Variants in CNIH3 observed in about 807,000 individuals in gnomAD.
CNIH3 encodes the protein cornichon family AMPA receptor auxiliary protein 3.
CNIH3 carries 14 observed loss-of-function variants against 24.1 expected under a neutral mutation model. That is an observed-to-expected ratio of 0.58 (90% CI 0.38 to 0.91). The LOEUF (loss-of-function observed/expected upper bound fraction) is 0.91, where lower values mean the gene tolerates loss of function less well. Among genes scored for constraint, CNIH3 ranks in the 40% least tolerant of loss-of-function variants. CNIH3 has a pLI of 0.00. For synonymous variants in CNIH3, 68 were observed against 73.8 expected, an observed-to-expected ratio of 0.92 and a Z score of 0.40; for missense variants, 178 against 196.8, an observed-to-expected ratio of 0.90 and a Z score of 0.57.
intron 1 of CNIH3, among the ~76,000 whole-genome samples, chr1:224,447,319 A>G (rs993225141): frequency 1.3e-5 from 2 of 152,212 alleles, no homozygotes; most frequent in Non-Finnish European, 2.9e-5. Flanking sequence ...TCCCAAGGCC[A>G]GAGAGCCGGG....
At chr1:224,567,660 A>G (rs1680635103) in intron 4 of CNIH3, among the ~76,000 whole-genome samples, 1 of 152,220 alleles carries the variant, frequency 6.6e-6, no homozygotes, top group South Asian at 2.1e-4. Context: ...TTGTGCAGGC[A>G]TCCACTGTGC....
intron 1 of CNIH3, among the ~76,000 whole-genome samples, chr1:224,519,429 C>T (rs1240378123): frequency 6.6e-6 from 1 of 152,130 alleles, no homozygotes; most frequent in African/African-American, 2.4e-5. Flanking sequence ...CCTGAGTCTC[C>T]AGCTTGCAGA....
chr1:224,461,232 A>G (rs1471527551), intron 1 of CNIH3, among the ~76,000 whole-genome samples: 1 of 151,962 alleles, frequency 6.6e-6, no homozygotes, highest in African/African-American at 2.4e-5. Flanking sequence ...CGAACACGTG[A>G]CCTCAAGTGA....
intron 2 of CNIH3, among the ~76,000 whole-genome samples, chr1:224,524,236 C>T (rs1374877145): frequency 6.6e-6 from 1 of 152,156 alleles, no homozygotes; most frequent in Non-Finnish European, 1.5e-5. Flanking sequence ...GAGGGCAGAA[C>T]CAGGGTTGTC....
intron 2 of CNIH3, among the ~76,000 whole-genome samples, chr1:224,546,661 T>C (rs528599880): frequency 1.3e-5 from 2 of 152,338 alleles, no homozygotes; most frequent in East Asian, 1.9e-4. Flanking sequence ...AGAAAATTTA[T>C]GTAAAATACC....
intron 1 of CNIH3, among the ~76,000 whole-genome samples, chr1:224,628,880 G>C (rs1683674735): frequency 6.6e-6 from 1 of 152,002 alleles, no homozygotes; most frequent in Admixed American, 6.5e-5. Flanking sequence ...TGTTCTCTCT[G>C]AAGCCTGCTA....
At chr1:224,634,818 G>A (rs1293922494) in intron 1 of CNIH3, among the ~76,000 whole-genome samples, 1 of 152,030 alleles carries the variant, frequency 6.6e-6, no homozygotes, top group South Asian at 2.1e-4. Context: ...TCACGTCCCC[G>A]ATTCACACCA....
At chr1:224,697,565 G>T (rs1297145510) in intron 3 of CNIH3, among the ~76,000 whole-genome samples, 2 of 152,152 alleles carry the variant, frequency 1.3e-5, no homozygotes, top group African/African-American at 4.8e-5. Flanking sequence ...GAGATGGTCA[G>T]CCCAGTGGGA....
intron 3 of CNIH3, among the ~76,000 whole-genome samples, chr1:224,594,145 A>G (rs1419359461): frequency 6.6e-6 from 1 of 152,238 alleles, no homozygotes; most frequent in Non-Finnish European, 1.5e-5. Context: ...GGTAAATTTT[A>G]TGTTATATTT....
At chr1:224,583,624 C>T (rs1681370728) in intron 5 of CNIH3, among the ~76,000 whole-genome samples, 1 of 152,162 alleles carries the variant, frequency 6.6e-6, no homozygotes, top group African/African-American at 2.4e-5. Context: ...ATCAGAGATG[C>T]ACTTCAGACT....
chr1:224,601,744 C>CTGT (rs1012346773), intron 3 of CNIH3, among the ~76,000 whole-genome samples: 1 of 152,188 alleles, frequency 6.6e-6, no homozygotes, highest in Non-Finnish European at 1.5e-5. Flanking sequence ...GCCACCCAGT[C>CTGT]TGTTGAGCTT....
Position 224,453,451 on chromosome 1 carries a change from G to A in CNIH3, n.203+18589G>A, listed in dbSNP as rs562198590. ...GATCCTCCCACTTTGGCCTCCCAAA[G>A]TGTTGGGGTTACAGACGTGAGCCAC... On this transcript the variant is annotated intron_variant and non_coding_transcript_variant, in intron 1 of 5. Coordinates refer to the CNIH3 transcript ENST00000471578. 1.1e-4 allele frequency among the ~76,000 whole-genome samples: 17 copies of A among 152,104 alleles called. No individual in the cohort carries two copies. In the East Asian group the frequency reaches 1.5e-3, roughly 14 times the overall value.
At chr1:224,705,033 G>T (rs1186289959) in intron 3 of CNIH3, among the ~76,000 whole-genome samples, 2 of 152,082 alleles carry the variant, frequency 1.3e-5, no homozygotes, top group Non-Finnish European at 2.9e-5. Flanking sequence ...CAGGAGAATT[G>T]CTTGAACCTG....
chr1:224,734,767 C>T (rs1572841147), intron 5 of CNIH3, 61 bp downstream of exon 5: 1 of 1,590,412 alleles, frequency 6.3e-7, no homozygotes, highest in East Asian at 2.2e-5. Flanking sequence ...GAATTTCAGG[C>T]TGGCCTCTGG....
downstream of CNIH3, among the ~76,000 whole-genome samples, chr1:224,592,559 C>T (rs1313850136): frequency 6.6e-6 from 1 of 152,120 alleles, no homozygotes; most frequent in Admixed American, 6.5e-5. Flanking sequence ...GATGGAAGAG[C>T]AGGAATATAT....
chr1:224,578,774 C>T (rs1681142937), intron 4 of CNIH3, among the ~76,000 whole-genome samples: 1 of 152,186 alleles, frequency 6.6e-6, no homozygotes, highest in Non-Finnish European at 1.5e-5. Context: ...CAATGTCTTT[C>T]TGATTCTTTA....
chr1:224,728,000 TGCAG>T (rs1304109146), intron 3 of CNIH3, among the ~76,000 whole-genome samples: 3 of 152,090 alleles, frequency 2.0e-5, no homozygotes, highest in African/African-American at 7.2e-5. Flanking sequence ...CTTGGAAGGT[TGCAG>T]CCTCCACAAT....
At chr1:224,531,641 G>A (rs76822834) in intron 2 of CNIH3, among the ~76,000 whole-genome samples, 32 of 152,306 alleles carry the variant, frequency 2.1e-4, no homozygotes, top group African/African-American at 7.7e-4. Flanking sequence ...TAAGAGTAAC[G>A]GGAAGCAATA....
At chr1:224,696,772 T>TTGTGTG (rs66962239) in intron 3 of CNIH3, among the ~76,000 whole-genome samples, 18 of 149,994 alleles carry the variant, frequency 1.2e-4, no homozygotes, top group South Asian at 4.2e-4. Context: ...GGGGATAAAT[T>TTGTGTG]TGTGTGTGTG....
Sources: allele counts gnomAD v4.1 joint callset (sites outside exome capture counted in the v4.1 genomes callset), GRCh38; gene constraint gnomAD v4.1.1; transcripts MANE v1.5; gene names NCBI Gene and HGNC (gene_info 2026-07-23, HGNC 2026-07-21).